The following MAMLD1 variants were observed in gnomAD, a reference collection of about 807,000 sequenced individuals.
MAMLD1 encodes the protein mastermind like domain containing 1, also known as mastermind-like domain-containing protein 1.
Under a neutral mutation model 45.0 loss-of-function variants are expected in MAMLD1, and 14 were observed. The ratio of observed to expected loss-of-function variants is 0.31; its 90% CI spans 0.21 to 0.49. The LOEUF is 0.49. MAMLD1 is among the 20% of genes least tolerant of loss of function. MAMLD1 has a pLI of 0.99. For synonymous variants in MAMLD1, 254 were observed against 247.8 expected (o/e 1.02, Z -0.24); for missense variants, 543 against 603.6 (o/e 0.90, Z 1.05).
chrX:150,406,537 C>T (rs1388949203), intron 1 of MAMLD1, among the ~76,000 whole-genome samples: 4 of 111,692 alleles, frequency 3.6e-5, no homozygotes, highest in Non-Finnish European at 7.5e-5. Context: ...GTCAAGCAGA[C>T]GTGGGTCCCA....
rs182309348 is a variant in MAMLD1 at position 150,442,658 on chromosome X, G to A, written c.-63-2796G>A. ...AGACACATCAGACAATGTTATAATC[G>A]ATGATTTAACCTTCAAACATAATTT... is the stretch of plus-strand genomic sequence containing the variant. On this transcript the variant is annotated intron_variant, in intron 1 of 7. Transcript: ENST00000370401. Among the ~76,000 whole-genome samples the A allele has an allele frequency of 9.9e-5, 11 of 111,431 alleles. No homozygotes were observed. The East Asian group carries it at 2.0e-3, about 20-fold the overall frequency.
intron 7 of MAMLD1, among the ~76,000 whole-genome samples, 178 bp downstream of exon 7, chrX:150,510,224 G>T (rs1199037778): frequency 8.9e-6 from 1 of 111,950 alleles, no homozygotes; most frequent in Non-Finnish European, 1.9e-5. Flanking sequence ...CCAATTGAAG[G>T]CCTGGTCTAA....
At chrX:150,434,370 A>G (rs2035053407) in intron 1 of MAMLD1, among the ~76,000 whole-genome samples, 2 of 110,423 alleles carry the variant, frequency 1.8e-5, no homozygotes, top group African/African-American at 3.3e-5. Flanking sequence ...GGATTTTTCA[A>G]TCTTTTGTAT....
intron 2 of MAMLD1, among the ~76,000 whole-genome samples, chrX:150,457,567 A>G (rs929115232): frequency 8.9e-6 from 1 of 112,692 alleles, no homozygotes; most frequent in East Asian, 2.8e-4. Flanking sequence ...AAAGACAGAA[A>G]CAACCCAAAT....
At chrX:150,484,164 TC>T (rs1557407481) in intron 5 of MAMLD1, among the ~76,000 whole-genome samples, 5 of 112,623 alleles carry the variant, frequency 4.4e-5, no homozygotes, top group Non-Finnish European at 9.4e-5. Flanking sequence ...ATGAACAAGC[TC>T]CCACTACTGG....
intron 1 of MAMLD1, among the ~76,000 whole-genome samples, chrX:150,419,195 G>T (rs1367443024): frequency 9.7e-6 from 1 of 102,644 alleles, no homozygotes; most frequent in Non-Finnish European, 2.0e-5. Flanking sequence ...TTATGTAACT[G>T]CCTTCTTTGT....
intron 1 of MAMLD1, among the ~76,000 whole-genome samples, chrX:150,415,757 C>CTG (rs2124540939): frequency 8.9e-6 from 1 of 112,210 alleles, no homozygotes; most frequent in East Asian, 2.8e-4. Context: ...CAAGCTCTAG[C>CTG]TGTGTGAATC....
chrX:150,467,192 TTGGATTCTTTGGGAGAATG>T (rs1187353975), intron 3 of MAMLD1, among the ~76,000 whole-genome samples: 1 of 112,375 alleles, frequency 8.9e-6, no homozygotes, highest in Non-Finnish European at 1.9e-5. Flanking sequence ...TTTTAACCTA[TTGGATTCTTTGGGAGAATG>T]TAGAAGAGAC....
chrX:150,367,547 A>G (rs1241710512), intron 1 of MAMLD1, among the ~76,000 whole-genome samples: 1 of 111,923 alleles, frequency 8.9e-6, no homozygotes, highest in African/African-American at 3.3e-5. Context: ...AGGAGCCTCA[A>G]TATACAGTAA....
At chrX:150,385,761 T>A (rs2032897271) in intron 1 of MAMLD1, among the ~76,000 whole-genome samples, 1 of 111,380 alleles carries the variant, frequency 9.0e-6, no homozygotes, top group Non-Finnish European at 1.9e-5. Context: ...TACATCATAA[T>A]TTCTCTCTAA....
intron 5 of MAMLD1, among the ~76,000 whole-genome samples, chrX:150,483,418 A>G (rs1205130681): frequency 8.9e-6 from 1 of 112,735 alleles, no homozygotes; most frequent in Non-Finnish European, 1.9e-5. Flanking sequence ...AGTAGAATAT[A>G]GAGGGGAATG....
intron 1 of MAMLD1, among the ~76,000 whole-genome samples, chrX:150,411,110 C>G (rs1216089789): frequency 9.0e-6 from 1 of 111,726 alleles, no homozygotes. Context: ...AGTCTAAAGC[C>G]TCTCCTGCAT....
chrX:150,482,562 A>G (rs1283702944), intron 5 of MAMLD1, among the ~76,000 whole-genome samples: 2 of 112,703 alleles, frequency 1.8e-5, no homozygotes, highest in African/African-American at 6.4e-5. Context: ...CTGCAATTTT[A>G]AAACACTTGC....
intron 6 of MAMLD1, chrX:150,504,667 A>C: frequency 1.4e-6 from 1 of 736,986 alleles, no homozygotes. Flanking sequence ...CTGTCTTTGG[A>C]AGCCACAGAT....
chrX:150,485,504 GATGCCAATAATTGCTTTT>G (rs1413998662), intron 5 of MAMLD1, among the ~76,000 whole-genome samples: 1 of 111,383 alleles, frequency 9.0e-6, no homozygotes, highest in African/African-American at 3.3e-5. Context: ...TCAGGAGTTT[GATGCCAATAATTGCTTTT>G]ATGAGCTAGC....
At chrX:150,438,843 A>T (rs1477298252) in intron 1 of MAMLD1, among the ~76,000 whole-genome samples, 1 of 112,230 alleles carries the variant, frequency 8.9e-6, no homozygotes, top group Admixed American at 9.4e-5. Flanking sequence ...CTTATTTTCA[A>T]TTCCTTTGGG....
chrX:150,469,664 T>C (rs1010715666), intron 3 of MAMLD1, 81 bp from the exon 4 acceptor site: 1 of 636,561 alleles, frequency 1.6e-6, no homozygotes, highest in Non-Finnish European at 2.6e-6. Flanking sequence ...TCTGTGTGTG[T>C]GTGTGTGTGT....
chrX:150,477,747 A>C (rs1804037770), intron 5 of MAMLD1, among the ~76,000 whole-genome samples: 1 of 111,630 alleles, frequency 9.0e-6, no homozygotes. Flanking sequence ...GGCAGAGAGG[A>C]GGGGGAAGGA....
chrX:150,388,890 G>A (rs1174148637), intron 1 of MAMLD1, among the ~76,000 whole-genome samples: 1 of 111,909 alleles, frequency 8.9e-6, no homozygotes, highest in Non-Finnish European at 1.9e-5. Context: ...GATTCTTGAA[G>A]TATAAGCTTA....
Sources: allele counts gnomAD v4.1 joint callset (sites outside exome capture counted in the v4.1 genomes callset), GRCh38; gene constraint gnomAD v4.1.1; transcripts MANE v1.5; gene names NCBI Gene and HGNC (gene_info 2026-07-23, HGNC 2026-07-21).